Variants in STIM2 observed in about 807,000 individuals in gnomAD.
STIM2 encodes the protein stromal interaction molecule 2.
In STIM2, 31 loss-of-function variants were observed where a neutral mutation model predicts 85.8. The ratio of observed to expected loss-of-function variants is 0.36; its 90% CI spans 0.27 to 0.49. The LOEUF (loss-of-function observed/expected upper bound fraction) is 0.49, where lower values mean the gene tolerates loss of function less well. STIM2 is among the 20% of genes least tolerant of loss of function. The pLI, the probability that STIM2 is intolerant of heterozygous loss-of-function variation, is 0.98. For synonymous variants in STIM2, 356 were observed against 331.1 expected, an observed-to-expected ratio of 1.08 and a Z score of -0.82; for missense variants, 841 against 927.6, an observed-to-expected ratio of 0.91 and a Z score of 1.21.
intron 1 of STIM2, among the ~76,000 whole-genome samples, chr4:26,882,032 A>G (rs1223794024): frequency 6.6e-6 from 1 of 152,190 alleles, no homozygotes; most frequent in Non-Finnish European, 1.5e-5. Flanking sequence ...GTTTTTATTG[A>G]AACAGAATCT....
intron 1 of STIM2, chr4:26,874,030 C>G: frequency 1.4e-6 from 1 of 712,780 alleles, no homozygotes. Flanking sequence ...CCACCAGCCA[C>G]TTGGTGTCAG....
At chr4:26,877,736 T>G (rs1722863353) in intron 1 of STIM2, among the ~76,000 whole-genome samples, 1 of 152,126 alleles carries the variant, frequency 6.6e-6, no homozygotes, top group African/African-American at 2.4e-5. Context: ...ATTTTGTGCT[T>G]TAGATGGACT....
chr4:26,920,038 C>T (rs571243738), intron 2 of STIM2, among the ~76,000 whole-genome samples: 71 of 152,220 alleles, frequency 4.7e-4, no homozygotes, highest in African/African-American at 1.3e-3. Flanking sequence ...AGATATGGGC[C>T]GAGGTCACTA....
chr4:26,978,070 G>C (rs1727259720), intron 3 of STIM2, among the ~76,000 whole-genome samples: 1 of 152,086 alleles, frequency 6.6e-6, no homozygotes, highest in African/African-American at 2.4e-5. Flanking sequence ...ATTCACTGTA[G>C]GAGTAGAAGT....
At chr4:26,984,030 A>G (rs1727494208) in intron 3 of STIM2, among the ~76,000 whole-genome samples, 1 of 152,198 alleles carries the variant, frequency 6.6e-6, no homozygotes, top group African/African-American at 2.4e-5. Context: ...ATGTTTCTTT[A>G]TTGTTATACT....
At chr4:26,882,051 T>G (rs1328950903) in intron 1 of STIM2, among the ~76,000 whole-genome samples, 1 of 152,228 alleles carries the variant, frequency 6.6e-6, no homozygotes, top group Non-Finnish European at 1.5e-5. Flanking sequence ...CTTTGGTATT[T>G]TCAGTGAAAT....
chr4:26,964,682 A>G (rs1051207109), intron 3 of STIM2, among the ~76,000 whole-genome samples: 3 of 152,138 alleles, frequency 2.0e-5, no homozygotes, highest in Non-Finnish European at 4.4e-5. Flanking sequence ...GTAAATGCTT[A>G]TTATGAGAAA....
intron 2 of STIM2, among the ~76,000 whole-genome samples, chr4:26,921,584 C>T (rs763231797): frequency 1.4e-4 from 21 of 152,234 alleles, no homozygotes; most frequent in Non-Finnish European, 2.8e-4. Flanking sequence ...ATTTGGCCTG[C>T]ATGCTGTAGT....
At chr4:26,979,644 G>T (rs1163599733) in intron 3 of STIM2, among the ~76,000 whole-genome samples, 1 of 152,092 alleles carries the variant, frequency 6.6e-6, no homozygotes, top group Non-Finnish European at 1.5e-5. Flanking sequence ...CTCATTTAAA[G>T]CAAATATAAT....
intron 10 of STIM2, 149 bp downstream of exon 10, chr4:27,009,151 T>C: frequency 1.6e-6 from 1 of 633,646 alleles, no homozygotes; most frequent in South Asian, 2.2e-5. Flanking sequence ...AATTTAAATA[T>C]TTACTATTTG....
At chr4:26,880,646 A>AAT (rs1161381482) in intron 1 of STIM2, among the ~76,000 whole-genome samples, 3 of 145,710 alleles carry the variant, frequency 2.1e-5, no homozygotes, top group South Asian at 2.1e-4. Flanking sequence ...TATATATGTA[A>AAT]ATATATATAT....
chr4:26,957,886 A>T (rs1454843181), intron 3 of STIM2, among the ~76,000 whole-genome samples, 160 bp downstream of exon 3: 2 of 152,114 alleles, frequency 1.3e-5, no homozygotes, highest in Non-Finnish European at 2.9e-5. Flanking sequence ...CTTGTTTTTG[A>T]TAGATGATTT....
intron 3 of STIM2, among the ~76,000 whole-genome samples, chr4:26,960,222 T>C (rs1168678672): frequency 6.6e-6 from 1 of 152,200 alleles, no homozygotes; most frequent in Admixed American, 6.5e-5. Flanking sequence ...GTAGTTCTTC[T>C]GAAAAAGTTT....
At chr4:26,888,222 C>T (rs1723332244) in intron 1 of STIM2, among the ~76,000 whole-genome samples, 1 of 152,212 alleles carries the variant, frequency 6.6e-6, no homozygotes, top group Admixed American at 6.5e-5. Flanking sequence ...CGCCCATACA[C>T]ATCTTCTTAA....
At chr4:27,002,886 G>T in intron 6 of STIM2, 41 bp from the exon 7 acceptor site, 3 of 1,459,918 alleles carry the variant, frequency 2.1e-6, no homozygotes, top group Middle Eastern at 1.8e-4. Context: ...AATAAAACTG[G>T]AAATTTTTGT....
intron 1 of STIM2, among the ~76,000 whole-genome samples, chr4:26,879,819 C>A (rs775055415): frequency 1.1e-4 from 17 of 152,128 alleles, no homozygotes; most frequent in Non-Finnish European, 2.4e-4. Flanking sequence ...CTTGATTGTT[C>A]TGGGCCCTCA....
chr4:26,973,727 G>A (rs901474443), intron 3 of STIM2, among the ~76,000 whole-genome samples: 4 of 152,180 alleles, frequency 2.6e-5, no homozygotes, highest in Non-Finnish European at 1.5e-5. Context: ...GATTAGGGCT[G>A]GAGAGTTCTG....
intron 1 of STIM2, among the ~76,000 whole-genome samples, chr4:26,890,644 G>A (rs992566974): frequency 6.6e-6 from 1 of 151,866 alleles, no homozygotes; most frequent in African/African-American, 2.4e-5. Context: ...CTAAAACGTT[G>A]AAACCCCGTC....
chr4:26,969,841 T>C (rs1726864911), intron 3 of STIM2, among the ~76,000 whole-genome samples: 1 of 152,122 alleles, frequency 6.6e-6, no homozygotes, highest in Non-Finnish European at 1.5e-5. Context: ...TGCAGTATAT[T>C]AAGTATGGGA....
Sources: allele counts gnomAD v4.1 joint callset (sites outside exome capture counted in the v4.1 genomes callset), GRCh38; gene constraint gnomAD v4.1.1; transcripts MANE v1.5; gene names NCBI Gene and HGNC (gene_info 2026-07-23, HGNC 2026-07-21).